NEO1: variants seen among roughly 807,000 people sequenced by gnomAD.
The protein encoded by NEO1 is neogenin.
A neutral mutation model predicts 159.7 loss-of-function variants in NEO1; 63 were observed. That is an observed-to-expected ratio of 0.39 (90% confidence interval 0.32 to 0.49). The LOEUF is 0.49. Ranked by LOEUF, NEO1 falls within the 20% of genes least tolerant of loss-of-function variation. The probability of loss-of-function intolerance (pLI) is 0.85; values close to 1 mark genes in which losing one functional copy is unlikely to be tolerated. For synonymous variants in NEO1, 633 were observed against 662.0 expected (o/e 0.96, Z 0.67); for missense variants, 1,615 against 1,831.0 (o/e 0.88, Z 2.15).
intron 8 of NEO1, among the ~76,000 whole-genome samples, chr15:73,237,758 C>G (rs1344517803): frequency 6.6e-6 from 1 of 152,168 alleles, no homozygotes. Context: ...TCCTACCAAA[C>G]AGCAAGTTTC....
At chr15:73,178,182 T>C in intron 6 of NEO1, 125 bp from the exon 7 acceptor site, 1 of 859,438 alleles carries the variant, frequency 1.2e-6, no homozygotes, top group Non-Finnish European at 1.7e-6. Flanking sequence ...ACTTGGATAA[T>C]ATTTAATAAT....
intron 7 of NEO1, among the ~76,000 whole-genome samples, chr15:73,183,973 G>T (rs1248486753): frequency 1.3e-4 from 19 of 151,934 alleles, no homozygotes; most frequent in Admixed American, 1.2e-3. Context: ...ACTTACTGTT[G>T]TTCAGCATAC....
Position 73,249,112 on chromosome 15 carries a change from C to G in NEO1, c.1659C>G (p.Thr553=). The G allele has an allele frequency of 6.2e-7, 1 of 1,614,116 alleles. No individual in the cohort carries two copies. Among genetic ancestry groups the G allele is most frequent in the Non-Finnish European group, 8.5e-7 (1 of 1,179,982 alleles). ...PNLRAYAASP[T]SITVTWETPV... Reference sequence around the variant, plus strand: ...TTCGTGCATATGCAGCTTCGCCTACCTCCATCACTGTTACGTGGGAAACAC... The same window carrying G: ...TTCGTGCATATGCAGCTTCGCCTACGTCCATCACTGTTACGTGGGAAACAC... Residue 553 remains threonine, a synonymous_variant, in exon 10 of 29, where the codon ACC becomes ACG. Transcript: ENST00000261908.
At chr15:73,163,539 A>G (rs1048377056) in intron 5 of NEO1, among the ~76,000 whole-genome samples, 4 of 152,120 alleles carry the variant, frequency 2.6e-5, no homozygotes, top group East Asian at 1.9e-4. Flanking sequence ...GCTTTTTGTC[A>G]TTACTGTATT....
Position 73,304,265 on chromosome 15 carries a change from G to A in NEO1, c.*1569G>A, listed in dbSNP as rs1214174777. Reference sequence around the variant, plus strand: ...TTTCCTAAAAAGGTAAGGAGCTGAGGTGTGTGGTTTTTTAATATTAAGAAT... The same window carrying A: ...TTTCCTAAAAAGGTAAGGAGCTGAGATGTGTGGTTTTTTAATATTAAGAAT... On this transcript the variant is annotated 3_prime_UTR_variant, in exon 29 of 29. Transcript: ENST00000261908. 1 of 152,142 alleles carries A rather than the reference G, an allele frequency of 6.6e-6. No homozygotes were observed. Among genetic ancestry groups the A allele is most frequent in the African/African-American group, 2.4e-5 (1 of 41,406 alleles). 9.4% of individuals were successfully genotyped at this position (152,142 alleles called of 1,614,324 possible). A position where few individuals can be genotyped will look rare whatever the true frequency, so the allele number is the denominator to read the frequency against.
At position 73,273,850 on chromosome 15, in the gene NEO1, T is replaced by C; in HGVS notation, c.3005T>C (p.Ile1002Thr). 6.2e-7 allele frequency: 1 copy of C among 1,614,146 alleles called. No homozygotes were observed. Among genetic ancestry groups the C allele is most frequent in the Non-Finnish European group, 8.5e-7 (1 of 1,179,998 alleles). ...TACAGTACAGATGTGAATGCAGAGA[T>C]ACATGACTGGGTTATTGAGCCTGTT... ...IYYSTDVNAE[I>T]HDWVIEPVVG... The change falls in exon 20 of 29, where the codon ATA becomes ACA. Residue 1002 changes from isoleucine to threonine, a missense_variant. Coordinates refer to ENST00000261908, the MANE Select transcript of NEO1 (RefSeq NM_002499.4).
Position 73,178,361 on chromosome 15 carries a change from C to G in NEO1, c.1225C>G (p.Gln409Glu), listed in dbSNP as rs1299611434. The change falls in exon 7 of 29, where the codon CAG (glutamine) becomes GAG (glutamate). Residue 409 changes from glutamine to glutamate, a missense_variant. This residue lies in a region of NEO1 where 1,018 missense variants were observed against 1,115.4 expected (regional missense o/e 0.91). Transcript: ENST00000261908. ...GLVKSDEGFY[Q>E]CIAENDVGNA... ...GGTGAAATCAGATGAAGGGTTCTAT[C>G]AGTGCATTGCTGAAAATGATGTTGG... 1 of 1,613,780 alleles carries G rather than the reference C, an allele frequency of 6.2e-7. No individual in the cohort carries two copies. Among genetic ancestry groups the G allele is most frequent in the Non-Finnish European group, 8.5e-7 (1 of 1,179,782 alleles).
chr15:73,082,869 T>A (rs1016589324), intron 1 of NEO1, among the ~76,000 whole-genome samples: 4 of 152,172 alleles, frequency 2.6e-5, no homozygotes, highest in Non-Finnish European at 4.4e-5. Flanking sequence ...TCACCCTGGC[T>A]AGTGTATCAG....
At position 73,052,525 on chromosome 15, in the gene NEO1, G is replaced by T. The variant is rs930771699; in HGVS notation, c.-151G>T. ...AGTCTCCCCTCCAGCGAGAGGGGCT[G>T]CGCGGGCCGGGCCGGGCCGGGCTGG... On this transcript the variant is annotated 5_prime_UTR_variant, in exon 1 of 29. Coordinates refer to ENST00000261908, the MANE Select transcript of NEO1 (RefSeq NM_002499.4). The T allele has an allele frequency of 6.9e-6, 2 of 291,656 alleles. No homozygotes were observed. Among genetic ancestry groups the T allele is most frequent in the Non-Finnish European group, 1.2e-5 (2 of 170,914 alleles). 18.1% of individuals were successfully genotyped at this position (291,656 alleles called of 1,614,324 possible). A position where few individuals can be genotyped will look rare whatever the true frequency, so the allele number is the denominator to read the frequency against.
intron 1 of NEO1, among the ~76,000 whole-genome samples, chr15:73,113,884 G>A (rs1467889554): frequency 6.8e-6 from 1 of 147,150 alleles, no homozygotes; most frequent in Non-Finnish European, 1.5e-5. Context: ...TACTCATTTT[G>A]TTTGAACCTA....
intron 7 of NEO1, among the ~76,000 whole-genome samples, chr15:73,201,954 CTTTTT>C (rs1206304409): frequency 1.6e-3 from 133 of 83,456 alleles, no homozygotes; most frequent in African/African-American, 5.8e-3. Flanking sequence ...CTATATCATT[CTTTTT>C]TTTTTTTTTT....
intron 1 of NEO1, among the ~76,000 whole-genome samples, chr15:73,095,783 T>C (rs1320134158): frequency 6.6e-6 from 1 of 152,146 alleles, no homozygotes; most frequent in South Asian, 2.1e-4. Context: ...AGAAAGTTCA[T>C]GGAAAATGCA....
Position 73,288,546 on chromosome 15 carries a change from A to G in NEO1, c.3644A>G (p.Tyr1215Cys). 3.7e-6 allele frequency: 6 copies of G among 1,611,978 alleles called. No homozygotes were observed. Among genetic ancestry groups the G allele is most frequent in the Non-Finnish European group, 5.1e-6 (6 of 1,178,004 alleles). Residue 1215 changes from tyrosine to cysteine, a missense_variant, in exon 24 of 29, where the codon TAC becomes TGC. By Grantham distance (194) the Tyr-to-Cys change is radical. Transcript: ENST00000261908. ...DSNIHQRRNS[Y>C]RGHESEDSMS... ...AATATCCATCAAAGGCGAAATTCATACAGAGGTACCATTTTAAGTGCAGGT... is the reference window on the plus strand; with the variant it reads ...AATATCCATCAAAGGCGAAATTCATGCAGAGGTACCATTTTAAGTGCAGGT...
At chr15:73,054,251 A>G (rs745532407) in intron 1 of NEO1, among the ~76,000 whole-genome samples, 4 of 152,236 alleles carry the variant, frequency 2.6e-5, no homozygotes, top group Non-Finnish European at 5.9e-5. Context: ...TATGTAGTTC[A>G]CCAAATTTCA....
Position 73,164,019 on chromosome 15 carries a change from A to ATT in NEO1, c.1016-12371_1016-12370dup, listed in dbSNP as rs57049110. On this transcript the variant is annotated intron_variant, in intron 5 of 28. Coordinates refer to ENST00000261908, the MANE Select transcript of NEO1 (RefSeq NM_002499.4). ...TATTTGTATTTTGTTTCTTTTTCTT[A>ATT]TTTTTTTTTTTTTTCTTATTTTTTT... 4.7e-3 allele frequency among the ~76,000 whole-genome samples: 584 copies of ATT among 123,684 alleles called. 4 individuals carry two copies. Among genetic ancestry groups the ATT allele is most frequent in the African/African-American group, 0.015 (551 of 36,686 alleles). 81.1% of individuals were successfully genotyped at this position (123,684 alleles called of 152,430 possible). A position where few individuals can be genotyped will look rare whatever the true frequency, so the allele number is the denominator to read the frequency against.
At chr15:73,092,267 A>G (rs545965810) in intron 1 of NEO1, among the ~76,000 whole-genome samples, 1 of 152,202 alleles carries the variant, frequency 6.6e-6, no homozygotes, top group Middle Eastern at 3.4e-3. Flanking sequence ...TAATAGAGGA[A>G]CCTAAGTACT....
At chr15:73,123,297 T>G (rs185485221) in intron 3 of NEO1, among the ~76,000 whole-genome samples, 96 of 152,330 alleles carry the variant, frequency 6.3e-4, no homozygotes, top group Non-Finnish European at 5.7e-4. Flanking sequence ...TAAAAATTTA[T>G]CAAGCAATAA....
chr15:73,284,569 A>G (rs989921241), intron 23 of NEO1, among the ~76,000 whole-genome samples: 3 of 147,468 alleles, frequency 2.0e-5, no homozygotes, highest in African/African-American at 7.5e-5. Context: ...ACTGCCTCTT[A>G]TAGCTCTTCC....
chr15:73,278,446 C>G (rs1168185424), intron 22 of NEO1, among the ~76,000 whole-genome samples: 1 of 152,168 alleles, frequency 6.6e-6, no homozygotes, highest in Non-Finnish European at 1.5e-5. Flanking sequence ...ATCCTGTTGC[C>G]TACTGCCTCT....
Sources: allele counts gnomAD v4.1 joint callset (sites outside exome capture counted in the v4.1 genomes callset), GRCh38; gene constraint gnomAD v4.1.1; regional missense constraint gnomAD v4.1.1; transcripts MANE v1.5; gene names NCBI Gene and HGNC (gene_info 2026-07-23, HGNC 2026-07-21).